RBM33: variants seen among roughly 807,000 people sequenced by gnomAD.
RBM33 encodes RNA binding motif protein 33.
In RBM33, 28 loss-of-function variants were observed where a neutral mutation model predicts 132.6. The observed-to-expected ratio is 0.21, with a 90% confidence interval of 0.16 to 0.29. RBM33 has a LOEUF of 0.29. Ranked by LOEUF, RBM33 falls within the 10% of genes least tolerant of loss-of-function variation. The pLI is 1.00. For synonymous variants in RBM33, 634 were observed against 593.0 expected, an observed-to-expected ratio of 1.07 and a Z score of -1.01; for missense variants, 1,291 against 1,518.5, an observed-to-expected ratio of 0.85 and a Z score of 2.49.
At position 155,774,415 on chromosome 7, in the gene RBM33, A is replaced by G. The variant is rs184927706; in HGVS notation, c.3376-144A>G. On this transcript the variant is annotated intron_variant, in intron 16 of 17. Coordinates refer to ENST00000401878, the MANE Select transcript of RBM33 (RefSeq NM_053043.3). The surrounding 1 kb of genome is among the most constrained non-coding windows in gnomAD (Gnocchi z 4.2). Reference sequence around the variant, plus strand: ...AGATAAGTAAGACAAATTGCCAGGGAGCTAGAAAGGAAAATCAATTAGTGT... The same window carrying G: ...AGATAAGTAAGACAAATTGCCAGGGGGCTAGAAAGGAAAATCAATTAGTGT... 274 of 603,848 alleles carry G rather than the reference A, an allele frequency of 4.5e-4. 4 individuals are homozygous for G. In the African/African-American group the frequency reaches 4.6e-3, roughly 10 times the overall value. The allele number at this position is 603,848 out of a possible 1,614,324, so 37.4% of individuals were successfully genotyped here.
intron 5 of RBM33, among the ~76,000 whole-genome samples, chr7:155,697,049 T>C (rs557986123): frequency 1.3e-5 from 2 of 152,322 alleles, no homozygotes; most frequent in East Asian, 1.9e-4. Context: ...GGTCAAGCAG[T>C]GTCTGCCAGT....
intron 1 of RBM33, among the ~76,000 whole-genome samples, chr7:155,656,366 T>C (rs1038535735): frequency 2.4e-5 from 2 of 81,702 alleles, no homozygotes; most frequent in Non-Finnish European, 6.1e-5. Context: ...GCTTGGACTT[T>C]AACATAACAG....
intron 9 of RBM33, among the ~76,000 whole-genome samples, chr7:155,721,891 CTGAA>C (rs1462804911): frequency 6.6e-6 from 1 of 152,094 alleles, no homozygotes; most frequent in African/African-American, 2.4e-5. Flanking sequence ...AAACAAATAA[CTGAA>C]TGTCAAAATA....
intron 14 of RBM33, among the ~76,000 whole-genome samples, chr7:155,753,946 A>G (rs1345696304): frequency 2.0e-5 from 3 of 152,228 alleles, no homozygotes; most frequent in Non-Finnish European, 2.9e-5. Context: ...CGTACAGTCT[A>G]GCATCTTCCT....
intron 1 of RBM33, among the ~76,000 whole-genome samples, chr7:155,654,831 G>A (rs1023639652): frequency 3.9e-5 from 6 of 152,058 alleles, no homozygotes; most frequent in African/African-American, 1.2e-4. Context: ...TTTATATATT[G>A]TCCTCTTTTA....
intron 6 of RBM33, among the ~76,000 whole-genome samples, chr7:155,703,976 A>G (rs1800040036): frequency 6.6e-6 from 1 of 152,002 alleles, no homozygotes; most frequent in African/African-American, 2.4e-5. Flanking sequence ...TGATATTGTT[A>G]GTGTTGAGAA....
intron 14 of RBM33, chr7:155,746,406 A>AGC (rs1801517876): frequency 6.6e-6 from 1 of 151,136 alleles, no homozygotes; most frequent in African/African-American, 2.4e-5. Flanking sequence ...TGAGAATTGA[A>AGC]GTCCTGTATG....
rs955271092 is a variant in RBM33, at chr7:155,763,851, C to G, written c.3019C>G (p.Pro1007Ala). ...SDGFFHPEGQ[P>A]QRLPQPPEVG... Reference sequence around the variant, plus strand: ...TGGCTTTTTTCACCCAGAAGGCCAGCCCCAGCGGCTTCCCCAGCCTCCGGA... The same window carrying G: ...TGGCTTTTTTCACCCAGAAGGCCAGGCCCAGCGGCTTCCCCAGCCTCCGGA... Residue 1007 changes from proline to alanine, a missense_variant, in exon 15 of 18, where the codon CCC (proline) becomes GCC (alanine). Physicochemically the swap from Pro to Ala is conservative, Grantham distance 27. Around this residue, in one of 7 missense-constraint regions of RBM33, gnomAD observed 841 missense variants for 912.0 expected, o/e 0.92. Transcript: ENST00000401878. 5.6e-6 allele frequency: 9 copies of G among 1,612,096 alleles called. No homozygotes were observed. The highest frequency in any genetic ancestry group is 3.3e-5 in the Admixed American group (2 of 59,746).
At chr7:155,765,936 G>C (rs1802200788) in intron 15 of RBM33, among the ~76,000 whole-genome samples, 1 of 152,228 alleles carries the variant, frequency 6.6e-6, no homozygotes, top group South Asian at 2.1e-4. Flanking sequence ...TCTGGTTGCA[G>C]AATCTGCCTG....
intron 3 of RBM33, among the ~76,000 whole-genome samples, chr7:155,673,545 C>T (rs191095065): frequency 9.4e-5 from 8 of 84,682 alleles, no homozygotes; most frequent in African/African-American, 1.3e-4. Context: ...TATACATACA[C>T]ACGTGTATAT....
chr7:155,759,364 T>TG (rs1197241699), intron 14 of RBM33, among the ~76,000 whole-genome samples: 1 of 151,972 alleles, frequency 6.6e-6, no homozygotes, highest in Non-Finnish European at 1.5e-5. Flanking sequence ...AAAATAATGA[T>TG]GAAGAGAACT....
intron 1 of RBM33, among the ~76,000 whole-genome samples, chr7:155,648,676 CAA>C (rs1798268379): frequency 6.6e-6 from 1 of 151,554 alleles, no homozygotes; most frequent in African/African-American, 2.4e-5. Context: ...TAGCTTCAAT[CAA>C]GAGAGTTTGA....
At chr7:155,751,482 G>A (rs900889829) in intron 14 of RBM33, among the ~76,000 whole-genome samples, 4 of 152,136 alleles carry the variant, frequency 2.6e-5, no homozygotes, top group Non-Finnish European at 4.4e-5. Context: ...CCACCTTTCA[G>A]GGTCCAGCCA....
intron 9 of RBM33, among the ~76,000 whole-genome samples, chr7:155,720,508 TTTC>T (rs1342312203): frequency 2.6e-5 from 4 of 152,218 alleles, no homozygotes; most frequent in African/African-American, 9.7e-5. Flanking sequence ...AAGTTATTTT[TTTC>T]TTTTTTCTAC....
At chr7:155,762,908 G>T (rs1268030230) in intron 14 of RBM33, among the ~76,000 whole-genome samples, 2 of 152,286 alleles carry the variant, frequency 1.3e-5, no homozygotes, top group Non-Finnish European at 2.9e-5. Flanking sequence ...ATTCATCAGG[G>T]CGGTGTCTGC....
intron 5 of RBM33, among the ~76,000 whole-genome samples, chr7:155,691,347 G>A (rs936949230): frequency 6.6e-6 from 1 of 152,050 alleles, no homozygotes; most frequent in African/African-American, 2.4e-5. Context: ...CTCTACACTG[G>A]TTATTCTAGT....
intron 8 of RBM33, among the ~76,000 whole-genome samples, chr7:155,716,039 A>G (rs1490175467): frequency 6.6e-6 from 1 of 152,260 alleles, no homozygotes; most frequent in Non-Finnish European, 1.5e-5. Context: ...TGAATTGAAA[A>G]CAGTCCATTA....
At chr7:155,735,229 T>C (rs1801078279) in intron 9 of RBM33, among the ~76,000 whole-genome samples, 1 of 152,214 alleles carries the variant, frequency 6.6e-6, no homozygotes, top group African/African-American at 2.4e-5. Context: ...ATGTGTTTCA[T>C]TGACTTCAAA....
intron 15 of RBM33, 120 bp downstream of exon 15, chr7:155,764,138 C>A: frequency 1.3e-6 from 1 of 770,420 alleles, no homozygotes; most frequent in South Asian, 2.1e-5. Flanking sequence ...ATAAGTGAAC[C>A]ATCATTTCCT....
Sources: gnomAD v4.1 joint callset for allele counts (sites outside exome capture counted in the v4.1 genomes callset) on GRCh38, gnomAD v4.1.1 for gene constraint, gnomAD v4.1.1 regional missense constraint, Gnocchi (gnomAD v3.1) non-coding constraint, MANE v1.5 for transcripts, NCBI Gene and HGNC (gene_info 2026-07-23, HGNC 2026-07-21) for gene names.